Variants in CNTN4 observed in about 807,000 individuals in gnomAD.
The protein encoded by CNTN4 is contactin 4.
CNTN4 carries 77 observed loss-of-function variants against 122.5 expected under a neutral mutation model. The observed-to-expected ratio is 0.63, with a 90% CI of 0.52 to 0.76. The LOEUF (loss-of-function observed/expected upper bound fraction) is 0.76, where lower values mean the gene tolerates loss of function less well. Among genes scored for constraint, CNTN4 ranks in the 30% least tolerant of loss-of-function variants. CNTN4 has a pLI of 0.00. For missense variants in CNTN4, 1,256 were observed against 1,259.1 expected (o/e 1.00, Z 0.04); for synonymous variants, 512 against 447.0 (o/e 1.15, Z -1.83).
At chr3:3,014,903 T>C (rs1030921895) in intron 14 of CNTN4, among the ~76,000 whole-genome samples, 1 of 146,638 alleles carries the variant, frequency 6.8e-6, no homozygotes, top group African/African-American at 2.5e-5. Flanking sequence ...TTTTTCTCTT[T>C]GGGTCAGCAA....
chr3:2,733,556 C>G (rs1019346289), intron 4 of CNTN4, among the ~76,000 whole-genome samples: 6 of 104,068 alleles, frequency 5.8e-5, no homozygotes, highest in Non-Finnish European at 9.7e-5. Flanking sequence ...TTTTTTGAGA[C>G]AGAGTCTCAC....
chr3:2,933,941 C>T (rs898259497), intron 13 of CNTN4, among the ~76,000 whole-genome samples: 6 of 152,054 alleles, frequency 3.9e-5, no homozygotes, highest in Non-Finnish European at 8.8e-5. Flanking sequence ...AGAGAATGAG[C>T]GGAAGCCACG....
intron 2 of CNTN4, chr3:2,238,735 G>GTTTTTT (rs66733341): frequency 1.3e-5 from 1 of 78,900 alleles, no homozygotes; most frequent in Non-Finnish European, 2.5e-5. Context: ...TTGGCTCTGT[G>GTTTTTT]TTTTTTTTTT....
At chr3:2,430,910 G>A (rs1399345607) in intron 3 of CNTN4, among the ~76,000 whole-genome samples, 1 of 152,134 alleles carries the variant, frequency 6.6e-6, no homozygotes, top group Non-Finnish European at 1.5e-5. Context: ...CCAAGTTCCT[G>A]ATGAAAATTA....
At chr3:2,284,403 T>C (rs1477379721) in intron 2 of CNTN4, among the ~76,000 whole-genome samples, 1 of 152,178 alleles carries the variant, frequency 6.6e-6, no homozygotes, top group Non-Finnish European at 1.5e-5. Context: ...GGCTTTATAC[T>C]GTTTGGCTAT....
chr3:3,040,343 A>G, intron 20 of CNTN4, 72 bp downstream of exon 20: 1 of 1,139,924 alleles, frequency 8.8e-7, no homozygotes, highest in Non-Finnish European at 1.3e-6. Context: ...TGTAGCACGT[A>G]CAATCAATTT....
intron 7 of CNTN4, among the ~76,000 whole-genome samples, chr3:2,819,924 TCTC>T (rs1030282496): frequency 6.6e-6 from 1 of 152,212 alleles, no homozygotes; most frequent in Non-Finnish European, 1.5e-5. Context: ...CTTCATTTCA[TCTC>T]CTGGTTGGTC....
intron 5 of CNTN4, among the ~76,000 whole-genome samples, chr3:2,740,455 T>C (rs963593209): frequency 6.6e-6 from 1 of 152,094 alleles, no homozygotes; most frequent in African/African-American, 2.4e-5. Flanking sequence ...CATGATAAAA[T>C]TATAAAGAAT....
chr3:2,125,313 G>A (rs189863873), intron 2 of CNTN4, among the ~76,000 whole-genome samples: 43 of 137,460 alleles, frequency 3.1e-4, no homozygotes, highest in Non-Finnish European at 5.4e-4. Context: ...TTTCAAGGCT[G>A]AGTAACATTC....
At chr3:2,264,251 C>T (rs1408992510) in intron 2 of CNTN4, among the ~76,000 whole-genome samples, 2 of 152,210 alleles carry the variant, frequency 1.3e-5, no homozygotes, top group Middle Eastern at 6.8e-3. Flanking sequence ...TAAGCTTTCC[C>T]CTTTCTCTGC....
At chr3:2,313,981 C>A (rs1377267806) in intron 2 of CNTN4, among the ~76,000 whole-genome samples, 1 of 151,880 alleles carries the variant, frequency 6.6e-6, no homozygotes, top group Non-Finnish European at 1.5e-5. Flanking sequence ...CTTATTTATA[C>A]CTATGAATCT....
chr3:3,020,169 C>T (rs115771372), intron 14 of CNTN4, among the ~76,000 whole-genome samples: 1,891 of 152,116 alleles, frequency 0.012, 38 homozygotes, highest in African/African-American at 0.043. Flanking sequence ...ATTTATAGTA[C>T]TTCAAGATTC....
Position 2,488,364 on chromosome 3 carries a change from T to C in CNTN4, c.-88-83052T>C, listed in dbSNP as rs557352000. Among the ~76,000 whole-genome samples, 5 of 152,344 alleles carry C rather than the reference T, an allele frequency of 3.3e-5. No individual in the cohort carries two copies. In the South Asian group the frequency reaches 1.0e-3, roughly 32 times the overall value. On this transcript the variant is annotated intron_variant, in intron 3 of 24. Coordinates refer to ENST00000418658, the MANE Select transcript of CNTN4 (RefSeq NM_175607.3). ...CATTCTCCCCATGTCTTGGGTTGTC[T>C]CTGGGTACTCCAGTTTCCTCCCACA...
At chr3:2,673,093 T>C (rs1376639236) in intron 4 of CNTN4, among the ~76,000 whole-genome samples, 7 of 152,210 alleles carry the variant, frequency 4.6e-5, no homozygotes, top group Admixed American at 3.3e-4. Context: ...CTCCGGTCAA[T>C]ACAATATACA....
At chr3:2,612,081 A>T (rs1397060949) in intron 4 of CNTN4, among the ~76,000 whole-genome samples, 1 of 149,324 alleles carries the variant, frequency 6.7e-6, no homozygotes, top group African/African-American at 2.5e-5. Context: ...TCAACTTAAT[A>T]TAACCAGTTT....
intron 8 of CNTN4, among the ~76,000 whole-genome samples, chr3:2,873,745 C>A (rs2150905565): frequency 6.6e-6 from 1 of 152,176 alleles, no homozygotes; most frequent in East Asian, 1.9e-4. Context: ...GTTTTTGAAC[C>A]CAGTCATTTA....
intron 4 of CNTN4, among the ~76,000 whole-genome samples, chr3:2,634,305 CT>C (rs2082563685): frequency 6.6e-6 from 1 of 152,106 alleles, no homozygotes; most frequent in Non-Finnish European, 1.5e-5. Flanking sequence ...GAGAATTACA[CT>C]TTTTAAAAAA....
chr3:2,717,817 G>C (rs1014989652), intron 4 of CNTN4, among the ~76,000 whole-genome samples: 1 of 151,742 alleles, frequency 6.6e-6, no homozygotes, highest in African/African-American at 2.4e-5. Context: ...TTATTTTCTG[G>C]GTTTTTTTGT....
intron 2 of CNTN4, among the ~76,000 whole-genome samples, chr3:2,116,060 A>G (rs1302770928): frequency 6.6e-6 from 1 of 152,058 alleles, no homozygotes; most frequent in Non-Finnish European, 1.5e-5. Context: ...TGGGCCTGGC[A>G]CTCATCATTG....
Sources: allele counts gnomAD v4.1 joint callset (sites outside exome capture counted in the v4.1 genomes callset), GRCh38; gene constraint gnomAD v4.1.1; transcripts MANE v1.5; gene names NCBI Gene and HGNC (gene_info 2026-07-23, HGNC 2026-07-21).